The following ZNF121 variants were observed in gnomAD, a reference collection of about 807,000 sequenced individuals.
ZNF121 encodes the protein zinc finger protein 121 (clone ZHC32).
ZNF121 carries 1 observed loss-of-function variant against 2.4 expected under a neutral mutation model. The observed-to-expected ratio is 0.41, with a 90% confidence interval of 0.15 to 1.94. ZNF121 has a LOEUF of 1.94. Among genes scored for constraint, ZNF121 ranks in the 30% most tolerant of loss-of-function variants. The pLI is 0.30. For missense variants in ZNF121, 369 were observed against 466.3 expected, an observed-to-expected ratio of 0.79 and a Z score of 1.92; for synonymous variants, 173 against 158.6, an observed-to-expected ratio of 1.09 and a Z score of -0.68.
At chr19:9,574,445 C>T (rs1212930843) in intron 1 of ZNF121, among the ~76,000 whole-genome samples, 27 of 152,074 alleles carry the variant, frequency 1.8e-4, no homozygotes, top group Admixed American at 1.5e-3. Flanking sequence ...CAAGCCACCG[C>T]GCCCGGCCCT....
rs71185609 is a variant in ZNF121 at position 9,565,353 on chromosome 19, CAAAAAAA to C, written c.*580_*586del. 20 of 29,864 alleles carry C rather than the reference CAAAAAAA, an allele frequency of 6.7e-4. No individual in the cohort carries two copies. Among genetic ancestry groups the C allele is most frequent in the South Asian group, 2.0e-3 (1 of 512 alleles). The allele number at this position is 29,864 out of a possible 1,614,324, so 1.8% of individuals were successfully genotyped here. The stretch of plus-strand genomic sequence containing the variant: ...AAGAATGTGTATTAACAACGACTTA[CAAAAAAA>C]AAAAAAAAAAAAAAAAAAAAAAAAA... On this transcript the variant is annotated 3_prime_UTR_variant, in exon 4 of 4. Transcript: ENST00000320451.
intron 1 of ZNF121, among the ~76,000 whole-genome samples, chr19:9,582,615 G>C (rs1223844961): frequency 6.6e-6 from 1 of 152,036 alleles, no homozygotes; most frequent in Non-Finnish European, 1.5e-5. Flanking sequence ...AAGCCTGTTT[G>C]GTGGTCTCTT....
Position 9,568,190 on chromosome 19 carries a change from AAAAAAAG to A in ZNF121, c.-78-22_-78-16del. On this transcript the variant is annotated splice_polypyrimidine_tract_variant and intron_variant, in intron 2 of 3. Coordinates refer to ENST00000320451, the MANE Select transcript of ZNF121 (RefSeq NM_001008727.5). ...AACTTGCCATTCTGAAGTAAAACAGAAAAAAAGAAAAAAAAATAGGGTCTGAGAACAA... is the reference window on the plus strand; with the variant it reads ...AACTTGCCATTCTGAAGTAAAACAGAAAAAAAAAATAGGGTCTGAGAACAA... 1 of 1,277,902 alleles carries A rather than the reference AAAAAAAG, an allele frequency of 7.8e-7. No individual in the cohort carries two copies. Among genetic ancestry groups the A allele is most frequent in the Non-Finnish European group, 1.1e-6 (1 of 936,396 alleles). 79.2% of individuals were successfully genotyped at this position (1,277,902 alleles called of 1,614,324 possible). A position where few individuals can be genotyped will look rare whatever the true frequency, so the allele number is the denominator to read the frequency against.
At position 9,568,986 on chromosome 19, in the gene ZNF121, T is replaced by A. The variant is rs2074154128; in HGVS notation, c.-79+16A>T. 1 of 152,952 alleles carries A rather than the reference T, an allele frequency of 6.5e-6. No homozygotes were observed. Among genetic ancestry groups the A allele is most frequent in the Non-Finnish European group, 1.5e-5 (1 of 68,034 alleles). The allele number at this position is 152,952 out of a possible 1,614,324, so 9.5% of individuals were successfully genotyped here. ...TACTGAACTTCTCATTGACCAGGAG[T>A]GTTCTTCATACTCACCTTGGGGAAC... On this transcript the variant is annotated intron_variant, in intron 2 of 3. Coordinates refer to ENST00000320451, the MANE Select transcript of ZNF121 (RefSeq NM_001008727.5).
rs1382735670 is a variant in ZNF121, at chr19:9,560,689, A to G, written c.*5251T>C. 1 of 152,254 alleles carries G rather than the reference A, an allele frequency of 6.6e-6. No individual in the cohort carries two copies. Among genetic ancestry groups the G allele is most frequent in the African/African-American group, 2.4e-5 (1 of 41,464 alleles). The allele number at this position is 152,254 out of a possible 1,614,324, so 9.4% of individuals were successfully genotyped here. On this transcript the variant is annotated 3_prime_UTR_variant, in exon 4 of 4. Coordinates refer to ENST00000320451, the MANE Select transcript of ZNF121 (RefSeq NM_001008727.5). ...GGCTAAATGATATTGCATTGTATGT[A>G]TATAATGCATTTTGTTTACCAATTC...
chr19:9,583,341 T>C (rs1283245057), intron 1 of ZNF121, among the ~76,000 whole-genome samples: 1 of 151,702 alleles, frequency 6.6e-6, no homozygotes, highest in African/African-American at 2.4e-5. Context: ...TTCTTTCTTT[T>C]TTGAGACGGA....
chr19:9,567,032 A>G lies in ZNF121; in HGVS notation c.81T>C (p.Asn27=), dbSNP rs755794463. Residue 27 remains asparagine (N), a synonymous_variant, in exon 4 of 4, where the codon AAT becomes AAC. Coordinates refer to ENST00000320451, the MANE Select transcript of ZNF121 (RefSeq NM_001008727.5). ...GEIFSEHSCL[N]AHMGTENTGD... Reference sequence around the variant, plus strand: ...CTGTATTTTCAGTTCCCATGTGTGCATTAAGGCATGAGTGTTCACTGAAGA... The same window carrying G: ...CTGTATTTTCAGTTCCCATGTGTGCGTTAAGGCATGAGTGTTCACTGAAGA... 4 of 1,614,148 alleles carry G rather than the reference A, an allele frequency of 2.5e-6. No homozygotes were observed. The highest frequency in any genetic ancestry group is 8.5e-7 in the Non-Finnish European group (1 of 1,180,028).
At chr19:9,572,928 T>C (rs1174384582) in intron 1 of ZNF121, among the ~76,000 whole-genome samples, 2 of 152,094 alleles carry the variant, frequency 1.3e-5, no homozygotes, top group Admixed American at 6.6e-5. Context: ...GGTGGGAGGA[T>C]TGCTTCAGCC....
At chr19:9,580,559 C>A (rs1023451857) in intron 1 of ZNF121, among the ~76,000 whole-genome samples, 2 of 152,068 alleles carry the variant, frequency 1.3e-5, no homozygotes, top group Non-Finnish European at 2.9e-5. Context: ...AGCTACCACC[C>A]GTAAACCTCT....
At chr19:9,572,095 T>G (rs920505006) in intron 1 of ZNF121, among the ~76,000 whole-genome samples, 2 of 152,162 alleles carry the variant, frequency 1.3e-5, no homozygotes, top group African/African-American at 4.8e-5. Flanking sequence ...ATTAGAAGCA[T>G]GCAGCATTTA....
intron 1 of ZNF121, among the ~76,000 whole-genome samples, chr19:9,583,435 C>T (rs1426842280): frequency 6.7e-6 from 1 of 149,714 alleles, no homozygotes; most frequent in Non-Finnish European, 1.5e-5. Context: ...AAGCAATCCT[C>T]CTGCCTCAGC....
intron 1 of ZNF121, among the ~76,000 whole-genome samples, chr19:9,583,362 C>T (rs1198503892): frequency 3.3e-5 from 5 of 151,230 alleles, no homozygotes; most frequent in African/African-American, 1.2e-4. Flanking sequence ...GTTTCGCTCT[C>T]ATCGCCCAGG....
Position 9,567,004 on chromosome 19 carries a change from C to A in ZNF121, c.109G>T (p.Asp37Tyr). 4 of 1,614,128 alleles carry A rather than the reference C, an allele frequency of 2.5e-6. No individual in the cohort carries two copies. The highest frequency in any genetic ancestry group is 3.4e-6 in the Non-Finnish European group (4 of 1,180,024). ...CCATACTCATCACAGTCATAAGTGT[C>A]CCCTGTATTTTCAGTTCCCATGTGT... ...NAHMGTENTGDTYDCDEYGEN... is the reference protein window; with the variant it reads ...NAHMGTENTGYTYDCDEYGEN... Residue 37 changes from aspartate to tyrosine, a missense_variant, in exon 4 of 4, where the codon GAC becomes TAC. This residue lies in a region of ZNF121 where 168 missense variants were observed against 162.3 expected (regional missense o/e 1.03). Transcript: ENST00000320451.
intron 1 of ZNF121, among the ~76,000 whole-genome samples, chr19:9,579,133 A>G (rs1296390416): frequency 6.6e-6 from 1 of 152,234 alleles, no homozygotes; most frequent in African/African-American, 2.4e-5. Flanking sequence ...CATTACCACA[A>G]TGAGATGTCA....
intron 1 of ZNF121, among the ~76,000 whole-genome samples, chr19:9,573,049 C>T (rs2074185032): frequency 6.6e-6 from 1 of 151,990 alleles, no homozygotes; most frequent in Admixed American, 6.6e-5. Context: ...AGAAAACATA[C>T]CCAATAAAAA....
At chr19:9,567,865 G>T (rs2074144818) in intron 3 of ZNF121, 4 of 421,646 alleles carry the variant, frequency 9.5e-6, no homozygotes, top group African/African-American at 2.0e-5. Flanking sequence ...AAGCGATGGG[G>T]AATGGCTATA....
chr19:9,565,794 G>A lies in ZNF121; in HGVS notation c.*146C>T. The A allele has an allele frequency of 1.8e-6, 1 of 565,334 alleles. No homozygotes were observed. 35.0% of individuals were successfully genotyped at this position (565,334 alleles called of 1,614,324 possible). A position where few individuals can be genotyped will look rare whatever the true frequency, so the allele number is the denominator to read the frequency against. Reference sequence around the variant, plus strand: ...ACACATAGAGTATGAGTTCTTTCATGTCTTCGAAGTGAATGGGGATAACTG... The same window carrying A: ...ACACATAGAGTATGAGTTCTTTCATATCTTCGAAGTGAATGGGGATAACTG... On this transcript the variant is annotated 3_prime_UTR_variant, in exon 4 of 4. Transcript: ENST00000320451.
In ZNF121 at chr19:9,564,805, G is replaced by C. The variant is rs2074119180; in HGVS notation, c.*1135C>G. 1 of 152,252 alleles carries C rather than the reference G, an allele frequency of 6.6e-6. No individual in the cohort carries two copies. The highest frequency in any genetic ancestry group is 1.5e-5 in the Non-Finnish European group (1 of 68,040). The allele number at this position is 152,252 out of a possible 1,614,324, so 9.4% of individuals were successfully genotyped here. On this transcript the variant is annotated 3_prime_UTR_variant, in exon 4 of 4. Transcript: ENST00000320451. ...TTATCAAACAGCGTCGAATGCTAAA[G>C]AGAAGTTTTTCATGTAATGAAGAGT... is the stretch of plus-strand genomic sequence containing the variant.
Position 9,564,007 on chromosome 19 carries a change from G to T in ZNF121, c.*1933C>A, listed in dbSNP as rs1347674096. The T allele has an allele frequency of 6.6e-6, 1 of 152,208 alleles. No individual in the cohort carries two copies. Among genetic ancestry groups the T allele is most frequent in the African/African-American group, 2.4e-5 (1 of 41,450 alleles). The allele number at this position is 152,208 out of a possible 1,614,324, so 9.4% of individuals were successfully genotyped here. On this transcript the variant is annotated 3_prime_UTR_variant, in exon 4 of 4. Coordinates refer to ENST00000320451, the MANE Select transcript of ZNF121 (RefSeq NM_001008727.5). ...AAACAAGATTGGCGTTTTCATGTCT[G>T]CTAACCGCAGCCCATGGATTCTGGA... is the stretch of plus-strand genomic sequence containing the variant.
Sources: gnomAD v4.1 joint callset for allele counts (sites outside exome capture counted in the v4.1 genomes callset) on GRCh38, gnomAD v4.1.1 for gene constraint, gnomAD v4.1.1 regional missense constraint, MANE v1.5 for transcripts, NCBI Gene and HGNC (gene_info 2026-07-23, HGNC 2026-07-21) for gene names.